HEPHL1: variants seen among roughly 807,000 people sequenced by gnomAD.
HEPHL1 encodes the protein ferroxidase HEPHL1.
HEPHL1 carries 123 observed loss-of-function variants against 122.0 expected under a neutral mutation model. That is an observed-to-expected ratio of 1.01 (90% CI 0.87 to 1.17). The LOEUF is 1.17. HEPHL1 is among the 50% of genes most tolerant of loss of function. HEPHL1 has a pLI of 0.00. For synonymous variants in HEPHL1, 527 were observed against 508.9 expected, an observed-to-expected ratio of 1.04 and a Z score of -0.48; for missense variants, 1,452 against 1,430.5, an observed-to-expected ratio of 1.01 and a Z score of -0.24.
At chr11:94,077,760 C>T (rs1946138229) in intron 9 of HEPHL1, among the ~76,000 whole-genome samples, 1 of 152,196 alleles carries the variant, frequency 6.6e-6, no homozygotes, top group Admixed American at 6.5e-5. Context: ...GTGGGCACCA[C>T]GCTCCCTCAT....
intron 2 of HEPHL1, among the ~76,000 whole-genome samples, chr11:94,062,393 A>G (rs963569455): frequency 6.6e-6 from 1 of 152,194 alleles, no homozygotes; most frequent in African/African-American, 2.4e-5. Flanking sequence ...CCAAACATCA[A>G]ACCACGCTTT....
At chr11:94,094,578 T>A (rs1450086816) in intron 13 of HEPHL1, among the ~76,000 whole-genome samples, 1 of 152,218 alleles carries the variant, frequency 6.6e-6, no homozygotes, top group Admixed American at 6.5e-5. Flanking sequence ...TGCCACACTG[T>A]CTTCCACAAT....
At chr11:94,051,995 T>C in intron 2 of HEPHL1, among the ~76,000 whole-genome samples, 1 of 152,172 alleles carries the variant, frequency 6.6e-6, no homozygotes, top group Non-Finnish European at 1.5e-5. Context: ...TCCATTTGTC[T>C]GTGTGTCTGT....
chr11:94,083,225 A>G (rs1415057360), intron 10 of HEPHL1, among the ~76,000 whole-genome samples: 2 of 152,262 alleles, frequency 1.3e-5, no homozygotes, highest in Non-Finnish European at 2.9e-5. Flanking sequence ...ATCATTACAT[A>G]GCAAAGTGTC....
At chr11:94,034,835 C>A (rs1945707089) in intron 1 of HEPHL1, among the ~76,000 whole-genome samples, 1 of 152,098 alleles carries the variant, frequency 6.6e-6, no homozygotes, top group Admixed American at 6.5e-5. Context: ...GGTGAGCATA[C>A]AGTTGTAATG....
chr11:94,026,812 G>A (rs1196082300), intron 1 of HEPHL1, among the ~76,000 whole-genome samples: 2 of 152,204 alleles, frequency 1.3e-5, no homozygotes, highest in African/African-American at 4.8e-5. Flanking sequence ...GGCATCAACT[G>A]TCACATTTAG....
intron 1 of HEPHL1, among the ~76,000 whole-genome samples, chr11:94,025,959 C>G (rs1372693009): frequency 6.6e-6 from 1 of 152,184 alleles, no homozygotes; most frequent in Non-Finnish European, 1.5e-5. Flanking sequence ...CTGGCTGCCA[C>G]TAGAGACTGG....
chr11:94,084,371 A>T (rs899244941), intron 10 of HEPHL1, among the ~76,000 whole-genome samples: 3 of 148,714 alleles, frequency 2.0e-5, no homozygotes, highest in African/African-American at 5.0e-5. Flanking sequence ...TAAATAAATA[A>T]ATAAATATAT....
chr11:94,101,383 T>C, intron 14 of HEPHL1, 48 bp downstream of exon 14: 1 of 1,576,676 alleles, frequency 6.3e-7, no homozygotes, highest in Non-Finnish European at 8.6e-7. Context: ...AACATTGGCG[T>C]CAACTCTTTT....
intron 12 of HEPHL1, among the ~76,000 whole-genome samples, chr11:94,091,730 C>T (rs913867820): frequency 3.5e-4 from 53 of 152,182 alleles, no homozygotes; most frequent in African/African-American, 1.2e-3. Flanking sequence ...GGTTGGTAGT[C>T]GGCGGGGGCT....
chr11:94,088,254 A>T (rs1039344197), intron 11 of HEPHL1, among the ~76,000 whole-genome samples: 1 of 152,244 alleles, frequency 6.6e-6, no homozygotes, highest in African/African-American at 2.4e-5. Context: ...GGGCTTAATG[A>T]AGTAATACAT....
chr11:94,042,980 T>C (rs534021345), intron 1 of HEPHL1, among the ~76,000 whole-genome samples: 1 of 151,578 alleles, frequency 6.6e-6, no homozygotes, highest in East Asian at 1.9e-4. Context: ...TGGGATAGGT[T>C]TCCTTTGGAA....
At chr11:94,072,761 G>A (rs1190982322) in intron 6 of HEPHL1, among the ~76,000 whole-genome samples, 1 of 152,094 alleles carries the variant, frequency 6.6e-6, no homozygotes, top group South Asian at 2.1e-4. Flanking sequence ...TGGTAAATAA[G>A]GAGTTTACTT....
At chr11:94,058,892 AG>A (rs1211270647) in intron 2 of HEPHL1, among the ~76,000 whole-genome samples, 2 of 152,102 alleles carry the variant, frequency 1.3e-5, no homozygotes, top group African/African-American at 4.8e-5. Context: ...AATATAAAAA[AG>A]TATAAAGAAG....
Position 94,111,969 on chromosome 11 carries a change from C to A in HEPHL1, c.*75C>A. The A allele has an allele frequency of 1.9e-6, 2 of 1,077,712 alleles. No individual in the cohort carries two copies. Among genetic ancestry groups the A allele is most frequent in the Non-Finnish European group, 2.6e-6 (2 of 765,052 alleles). 66.8% of individuals were successfully genotyped at this position (1,077,712 alleles called of 1,614,324 possible). A position where few individuals can be genotyped will look rare whatever the true frequency, so the allele number is the denominator to read the frequency against. ...GATGGCAGCCAACAGGGAAACTGGA[C>A]CAAGGCATCACTCACCAAGGAAGGT... On this transcript the variant is annotated 3_prime_UTR_variant, in exon 20 of 20. Coordinates refer to ENST00000315765, the MANE Select transcript of HEPHL1 (RefSeq NM_001098672.2).
intron 11 of HEPHL1, 130 bp from the exon 12 acceptor site, chr11:94,088,625 A>G: frequency 1.5e-6 from 1 of 685,410 alleles, no homozygotes; most frequent in Middle Eastern, 4.1e-4. Flanking sequence ...TTAAACTACT[A>G]GACAACTGGT....
At chr11:94,060,092 TTATATATATATA>T (rs1164147552) in intron 2 of HEPHL1, among the ~76,000 whole-genome samples, 102 of 2,550 alleles carry the variant, frequency 0.04, 2 homozygotes, top group African/African-American at 0.041. Context: ...TCATATTTTA[TTATATATATATA>T]TATATATATA....
Position 94,045,936 on chromosome 11 carries a change from T to C in HEPHL1, c.415+19T>C. 2 of 1,610,624 alleles carry C rather than the reference T, an allele frequency of 1.2e-6. No individual in the cohort carries two copies. The highest frequency in any genetic ancestry group is 1.7e-6 in the Non-Finnish European group (2 of 1,178,052). ...TCAGAAGGTAAATATCAATCCTTTA[T>C]TACTGGGGTCTTGTCTCTATTTCAT... On this transcript the variant is annotated intron_variant, in intron 2 of 19. Transcript: ENST00000315765.
chr11:94,061,641 G>A (rs1945985840), intron 2 of HEPHL1, among the ~76,000 whole-genome samples: 1 of 152,152 alleles, frequency 6.6e-6, no homozygotes, highest in Admixed American at 6.6e-5. Context: ...AGTATCAAGT[G>A]AGAAAGCGGC....
Sources: allele counts gnomAD v4.1 joint callset (sites outside exome capture counted in the v4.1 genomes callset), GRCh38; gene constraint gnomAD v4.1.1; transcripts MANE v1.5; gene names NCBI Gene and HGNC (gene_info 2026-07-23, HGNC 2026-07-21).